The following KCNMA1 variants were observed in gnomAD, a reference collection of about 807,000 sequenced individuals.
The protein encoded by KCNMA1 is Calcium-activated potassium channel subunit alpha-1.
Under a neutral mutation model 140.0 loss-of-function variants are expected in KCNMA1, and 29 were observed. The ratio of observed to expected loss-of-function variants is 0.21; its 90% CI spans 0.15 to 0.28. KCNMA1 has a LOEUF of 0.28. KCNMA1 is among the 10% of genes least tolerant of loss of function. KCNMA1 has a pLI of 1.00. For missense variants in KCNMA1, 880 were observed against 1,602.2 expected (o/e 0.55, Z 7.70); for synonymous variants, 612 against 611.9 (o/e 1.00, Z 0.00).
At chr10:77,418,901 T>A (rs970017337) in intron 1 of KCNMA1, among the ~76,000 whole-genome samples, 2 of 152,240 alleles carry the variant, frequency 1.3e-5, no homozygotes, top group Non-Finnish European at 2.9e-5. Context: ...GGGAAGTCGT[T>A]CTTCCCCTCA....
intron 2 of KCNMA1, among the ~76,000 whole-genome samples, chr10:77,327,817 C>T (rs1411019245): frequency 6.6e-6 from 1 of 152,142 alleles, no homozygotes. Flanking sequence ...ACAAACCTGG[C>T]TTCTCTATGT....
At chr10:77,577,811 C>T (rs976410138) in intron 1 of KCNMA1, among the ~76,000 whole-genome samples, 1 of 152,192 alleles carries the variant, frequency 6.6e-6, no homozygotes, top group African/African-American at 2.4e-5. Flanking sequence ...CCTGCCCCCT[C>T]CACAGTTCAC....
At chr10:77,248,276 C>A (rs538697026) in intron 3 of KCNMA1, among the ~76,000 whole-genome samples, 38 of 152,156 alleles carry the variant, frequency 2.5e-4, no homozygotes, top group Non-Finnish European at 4.7e-4. Context: ...ATACATTAAT[C>A]GGCATTCCTT....
chr10:77,213,304 C>A (rs184682313), intron 3 of KCNMA1, among the ~76,000 whole-genome samples: 2 of 152,264 alleles, frequency 1.3e-5, no homozygotes, highest in African/African-American at 4.8e-5. Context: ...TGCTTATCAT[C>A]CTTATCCCCC....
At chr10:76,986,619 C>G (rs1284381105) in intron 19 of KCNMA1, among the ~76,000 whole-genome samples, 2 of 152,236 alleles carry the variant, frequency 1.3e-5, no homozygotes, top group Non-Finnish European at 2.9e-5. Flanking sequence ...CTAGATATAA[C>G]TCCTAGTGTT....
chr10:76,898,809 A>T (rs2152084289), intron 25 of KCNMA1, among the ~76,000 whole-genome samples: 1 of 152,096 alleles, frequency 6.6e-6, no homozygotes, highest in African/African-American at 2.4e-5. Flanking sequence ...ATTATTAAAT[A>T]CAACAGAATT....
rs1564978928 is a variant in KCNMA1, at chr10:77,173,243, G to GT, written c.808+10177dup. Among the ~76,000 whole-genome samples the GT allele has an allele frequency of 3.3e-5, 5 of 152,284 alleles. No individual in the cohort carries two copies. The South Asian group carries it at 8.3e-4, about 25-fold the overall frequency. On this transcript the variant is annotated intron_variant, in intron 5 of 27. Coordinates refer to ENST00000286628, the MANE Select transcript of KCNMA1 (RefSeq NM_001161352.2). ...GGGGAAAAAAGTAGTTTGGAGGCTG[G>GT]TAAGTTATTAAAAATGTGTTAACTT...
chr10:77,251,405 T>A (rs1282506570), intron 2 of KCNMA1, 149 bp from the exon 3 acceptor site: 1 of 711,314 alleles, frequency 1.4e-6, no homozygotes, highest in African/African-American at 1.8e-5. Context: ...CAGCCCCCCA[T>A]TACTGCTTCA....
intron 3 of KCNMA1, among the ~76,000 whole-genome samples, chr10:77,230,782 T>C (rs2053319634): frequency 6.6e-6 from 1 of 152,186 alleles, no homozygotes; most frequent in Non-Finnish European, 1.5e-5. Flanking sequence ...TCATCCTCCC[T>C]TCCACTCCAG....
chr10:77,512,284 C>A (rs1179361266), intron 1 of KCNMA1, among the ~76,000 whole-genome samples: 1 of 152,210 alleles, frequency 6.6e-6, no homozygotes, highest in Non-Finnish European at 1.5e-5. Flanking sequence ...ACTCCACAGT[C>A]CCCCCTTATC....
chr10:76,990,981 G>C (rs1332551985), intron 19 of KCNMA1, among the ~76,000 whole-genome samples: 1 of 152,164 alleles, frequency 6.6e-6, no homozygotes, highest in Non-Finnish European at 1.5e-5. Context: ...ACCTCCACGC[G>C]GGAGGAATCA....
chr10:77,038,927 G>A (rs1565704891), intron 15 of KCNMA1, among the ~76,000 whole-genome samples: 1 of 152,158 alleles, frequency 6.6e-6, no homozygotes, highest in Admixed American at 6.5e-5. Context: ...ACCTGCAGTG[G>A]CCATGGCGGG....
At chr10:76,891,791 A>AACATCCAAAAAAGTC in intron 25 of KCNMA1, 72 bp from the exon 26 acceptor site, 1 of 1,273,856 alleles carries the variant, frequency 7.9e-7, no homozygotes, top group Non-Finnish European at 1.1e-6. Flanking sequence ...CCGACATCCA[A>AACATCCAAAAAAGTC]ATTACAACTT....
At chr10:77,262,663 TC>T (rs1313710329) in intron 2 of KCNMA1, among the ~76,000 whole-genome samples, 1 of 151,762 alleles carries the variant, frequency 6.6e-6, no homozygotes, top group Non-Finnish European at 1.5e-5. Flanking sequence ...TTTAAAAGAG[TC>T]TGGGACCTCT....
chr10:77,251,926 G>A (rs1283501402), intron 2 of KCNMA1, among the ~76,000 whole-genome samples: 1 of 152,148 alleles, frequency 6.6e-6, no homozygotes, highest in Non-Finnish European at 1.5e-5. Context: ...TCGTACAAAT[G>A]TCCGTGTGTG....
At chr10:77,174,401 G>C (rs1293196143) in intron 5 of KCNMA1, among the ~76,000 whole-genome samples, 1 of 152,176 alleles carries the variant, frequency 6.6e-6, no homozygotes, top group Non-Finnish European at 1.5e-5. Flanking sequence ...AAAAGCCATG[G>C]TGTGTGCTGT....
intron 26 of KCNMA1, chr10:76,889,792 T>C: frequency 1.7e-6 from 1 of 583,992 alleles, no homozygotes; most frequent in Non-Finnish European, 3.1e-6. Flanking sequence ...TTTCCTCTGG[T>C]GTCTCTCCAG....
chr10:76,977,244 T>C (rs2077902336), intron 19 of KCNMA1, among the ~76,000 whole-genome samples: 1 of 152,204 alleles, frequency 6.6e-6, no homozygotes, highest in Admixed American at 6.5e-5. Context: ...TTCTTTCTCA[T>C]CTTTCTCAAG....
At chr10:77,631,636 G>A (rs934955656) in intron 1 of KCNMA1, among the ~76,000 whole-genome samples, 1 of 152,072 alleles carries the variant, frequency 6.6e-6, no homozygotes, top group Non-Finnish European at 1.5e-5. Flanking sequence ...ATGCCCTGAT[G>A]AGAGAGAGAG....
Sources: allele counts gnomAD v4.1 joint callset (sites outside exome capture counted in the v4.1 genomes callset), GRCh38; gene constraint gnomAD v4.1.1; transcripts MANE v1.5; gene names NCBI Gene and HGNC (gene_info 2026-07-23, HGNC 2026-07-21).